The following LEPR variants were observed in gnomAD, a reference collection of about 807,000 sequenced individuals.
LEPR encodes OB receptor.
LEPR carries 56 observed loss-of-function variants against 114.7 expected under a neutral mutation model. That is an observed-to-expected ratio of 0.49 (90% CI 0.39 to 0.61). The LOEUF is 0.61. Among genes scored for constraint, LEPR ranks in the 20% least tolerant of loss-of-function variants. LEPR has a pLI of 0.00. For synonymous variants in LEPR, 443 were observed against 461.4 expected (o/e 0.96, Z 0.51); for missense variants, 1,202 against 1,352.9 (o/e 0.89, Z 1.75).
Position 65,637,057 on chromosome 1 carries a change from T to C in LEPR, c.*42T>C, listed in dbSNP as rs1251170921. 2 of 1,582,934 alleles carry C rather than the reference T, an allele frequency of 1.3e-6. No individual in the cohort carries two copies. The highest frequency in any genetic ancestry group is 1.7e-6 in the Non-Finnish European group (2 of 1,161,414). ...TTCAGATTTGTGTTATAATGGGTAA[T>C]ATAAAGTGTAATAGATTATAGTTGT... On this transcript the variant is annotated 3_prime_UTR_variant, in exon 20 of 20. Transcript: ENST00000349533.
chr1:65,472,411 A>AC (rs1553156042), intron 2 of LEPR, among the ~76,000 whole-genome samples: 14 of 133,286 alleles, frequency 1.1e-4, no homozygotes, highest in African/African-American at 4.1e-4. Context: ...CTGTGGCTAA[A>AC]ACACACACAC....
At chr1:65,529,253 C>T (rs533763673) in intron 2 of LEPR, among the ~76,000 whole-genome samples, 1 of 152,066 alleles carries the variant, frequency 6.6e-6, no homozygotes, top group South Asian at 2.1e-4. Context: ...GGGCATGGTG[C>T]CTCACGCCTG....
At chr1:65,626,878 AC>A (rs1280836799) in intron 19 of LEPR, among the ~76,000 whole-genome samples, 1 of 152,012 alleles carries the variant, frequency 6.6e-6, no homozygotes, top group Non-Finnish European at 1.5e-5. Flanking sequence ...CAAGTGATCC[AC>A]CCACCTCAGC....
At chr1:65,534,153 CTTTA>C (rs1378610298) in intron 2 of LEPR, among the ~76,000 whole-genome samples, 2 of 152,056 alleles carry the variant, frequency 1.3e-5, no homozygotes, top group Non-Finnish European at 1.5e-5. Context: ...TTTCTGCTTT[CTTTA>C]TTTGCCCATA....
chr1:65,426,143 A>G (rs1050569685), intron 2 of LEPR, among the ~76,000 whole-genome samples: 2 of 139,592 alleles, frequency 1.4e-5, no homozygotes, highest in African/African-American at 3.3e-5. Context: ...AAAAGTGAGA[A>G]GAAATGTCAA....
chr1:65,528,842 T>C (rs564664894), intron 2 of LEPR, among the ~76,000 whole-genome samples: 1 of 152,348 alleles, frequency 6.6e-6, no homozygotes, highest in Admixed American at 6.5e-5. Context: ...TCTTGCTCTG[T>C]CGCCCAGGTT....
At chr1:65,629,646 C>T (rs925682818) in intron 19 of LEPR, among the ~76,000 whole-genome samples, 2 of 151,734 alleles carry the variant, frequency 1.3e-5, no homozygotes, top group Non-Finnish European at 2.9e-5. Context: ...TCCCTCCATT[C>T]TTTCATCCAT....
intron 1 of LEPR, among the ~76,000 whole-genome samples, chr1:65,421,123 A>T (rs1252677828): frequency 6.6e-6 from 1 of 152,172 alleles, no homozygotes; most frequent in African/African-American, 2.4e-5. Flanking sequence ...CCTATTTGCC[A>T]CAAAGGACCC....
intron 5 of LEPR, among the ~76,000 whole-genome samples, chr1:65,578,688 T>A (rs1654769136): frequency 6.6e-6 from 1 of 152,206 alleles, no homozygotes. Context: ...ATGAATATTG[T>A]GGAAGCTAAA....
chr1:65,529,217 T>G (rs1285328808), intron 2 of LEPR, among the ~76,000 whole-genome samples: 2 of 152,108 alleles, frequency 1.3e-5, no homozygotes, highest in Non-Finnish European at 2.9e-5. Context: ...TTTAAAACAA[T>G]ATTTTTTGAA....
chr1:65,490,858 T>C (rs1439610276), intron 2 of LEPR, among the ~76,000 whole-genome samples: 1 of 152,118 alleles, frequency 6.6e-6, no homozygotes, highest in African/African-American at 2.4e-5. Flanking sequence ...TCCTTCCTGA[T>C]TGCGTTTCCC....
chr1:65,608,867 G>A lies in LEPR; in HGVS notation c.1718G>A (p.Arg573His), dbSNP rs150826083. The stretch of plus-strand genomic sequence containing the variant: ...GAGAATAACCTTCAATTCCAGATTC[G>A]CTATGGTTTAAGTGGAAAAGAAGTA... The part of the protein sequence containing the change: ...FPENNLQFQI[R>H]YGLSGKEVQW... Residue 573 changes from arginine to histidine, a missense_variant, in exon 12 of 20, where the codon CGC (arginine) becomes CAC (histidine). By Grantham distance (29) the Arg-to-His change is conservative. Transcript: ENST00000349533. The A allele has an allele frequency of 5.0e-6, 8 of 1,613,486 alleles. No homozygotes were observed. The highest frequency in any genetic ancestry group is 1.3e-5 in the African/African-American group (1 of 74,872).
chr1:65,621,908 G>A (rs1338579474), intron 18 of LEPR, among the ~76,000 whole-genome samples: 1 of 152,066 alleles, frequency 6.6e-6, no homozygotes, highest in Non-Finnish European at 1.5e-5. Flanking sequence ...CATCTTTCCA[G>A]CTGGATGGGG....
Position 65,596,055 on chromosome 1 carries a change from A to G in LEPR, c.704-393A>G, listed in dbSNP as rs79344467. 6.4e-3 allele frequency among the ~76,000 whole-genome samples: 973 copies of G among 152,200 alleles called. 14 individuals carry two copies. Among genetic ancestry groups the G allele is most frequent in the African/African-American group, 0.022 (930 of 41,544 alleles). On this transcript the variant is annotated intron_variant, in intron 6 of 19. Transcript: ENST00000349533. ...GTGTATTTCCAAATAGTGTTCTGCA[A>G]AATGCTTTTTTCCTTTTTAACCACT...
intron 4 of LEPR, 33 bp from the exon 5 acceptor site, chr1:65,572,290 GTTT>G (rs747467075): frequency 0.014 from 10,965 of 779,486 alleles, no homozygotes; most frequent in East Asian, 0.024. Flanking sequence ...TCATGTAGTT[GTTT>G]TTTTTTTTTT....
chr1:65,536,658 C>T (rs1442692857), intron 2 of LEPR, among the ~76,000 whole-genome samples: 4 of 151,752 alleles, frequency 2.6e-5, no homozygotes, highest in Admixed American at 6.6e-5. Context: ...TCAAAGATTT[C>T]GGTTAAGGGA....
rs747467075 is a variant in LEPR at position 65,572,290 on chromosome 1, GTTTTTTTTT to G, written c.371-17_371-9del. ...ATGGTTTTTGAGATTTCATGTAGTT[GTTTTTTTTT>G]TTTTTTTTTTTTTTTTTTAAATTCA... On this transcript the variant is annotated intron_variant, in intron 4 of 19. Transcript: ENST00000349533. 113 of 799,870 alleles carry G rather than the reference GTTTTTTTTT, an allele frequency of 1.4e-4. No homozygotes were observed. The African/African-American group carries it at 2.0e-3, about 14-fold the overall frequency. The allele number at this position is 799,870 out of a possible 1,614,324, so 49.5% of individuals were successfully genotyped here.
rs545092430 is a variant in LEPR at position 65,496,331 on chromosome 1, G to T, written c.-20-69215G>T. Among the ~76,000 whole-genome samples the T allele has an allele frequency of 1.1e-4, 16 of 152,252 alleles. No individual in the cohort carries two copies. The South Asian group carries it at 1.7e-3, about 16-fold the overall frequency. On this transcript the variant is annotated intron_variant, in intron 2 of 19. Coordinates refer to ENST00000349533, the MANE Select transcript of LEPR (RefSeq NM_002303.6). Reference sequence around the variant, plus strand: ...CACATGCTTATAATCCCAGGACTTTGGGAGGCCAAGGCGGTGGGATGGCTT... The same window carrying T: ...CACATGCTTATAATCCCAGGACTTTTGGAGGCCAAGGCGGTGGGATGGCTT...
intron 2 of LEPR, among the ~76,000 whole-genome samples, chr1:65,444,293 C>G (rs1457584609): frequency 6.6e-6 from 1 of 152,130 alleles, no homozygotes; most frequent in Non-Finnish European, 1.5e-5. Context: ...GAGACTTCAT[C>G]TGCATCACAA....
Sources: allele counts gnomAD v4.1 joint callset (sites outside exome capture counted in the v4.1 genomes callset), GRCh38; gene constraint gnomAD v4.1.1; transcripts MANE v1.5; gene names NCBI Gene and HGNC (gene_info 2026-07-23, HGNC 2026-07-21).